The following STS variants were observed in gnomAD, a reference collection of about 807,000 sequenced individuals.
The protein encoded by STS is steroid sulfatase.
Under a neutral mutation model 26.8 loss-of-function variants are expected in STS, and 7 were observed. The observed-to-expected ratio is 0.26, with a 90% CI of 0.15 to 0.49. The LOEUF is 0.49. Among genes scored for constraint, STS ranks in the 20% least tolerant of loss-of-function variants. The pLI is 0.98. For synonymous variants in STS, 199 were observed against 189.4 expected, an observed-to-expected ratio of 1.05 and a Z score of -0.42; for missense variants, 434 against 465.6, an observed-to-expected ratio of 0.93 and a Z score of 0.63.
At chrX:7,168,033 G>A (rs1229153714) in intron 1 of STS, among the ~76,000 whole-genome samples, 1 of 110,916 alleles carries the variant, frequency 9.0e-6, no homozygotes, top group Non-Finnish European at 1.9e-5. Flanking sequence ...AGCTGATTAG[G>A]CACCTTAATG....
At chrX:7,168,939 C>T (rs897213805) in intron 1 of STS, among the ~76,000 whole-genome samples, 1 of 111,670 alleles carries the variant, frequency 9.0e-6, no homozygotes, top group African/African-American at 3.3e-5. Context: ...ATGGTATTAA[C>T]AAAATAGCTT....
chrX:7,300,631 G>A (rs1925919335), intron 7 of STS, among the ~76,000 whole-genome samples: 1 of 111,486 alleles, frequency 9.0e-6, no homozygotes, highest in Admixed American at 9.6e-5. Context: ...TGGGCTAAAA[G>A]GAAATTAGAA....
At position 7,354,167 on chromosome X, in the gene STS, G is replaced by A. The variant is rs1928914295; in HGVS notation, c.*3906G>A. 1 of 111,605 alleles carries A rather than the reference G, an allele frequency of 9.0e-6. No homozygotes were observed. Among genetic ancestry groups the A allele is most frequent in the Non-Finnish European group, 1.9e-5 (1 of 53,178 alleles). The allele number at this position is 111,605 out of a possible 1,213,427, so 9.2% of individuals were successfully genotyped here. A position where few individuals can be genotyped will look rare whatever the true frequency, so the allele number is the denominator to read the frequency against. On this transcript the variant is annotated 3_prime_UTR_variant, in exon 11 of 11. Transcript: ENST00000674429. ...CAGCCTCCACCATCCCCCAGGTGATGTCTGGTCAACTGGCCTGCCTTCAGC... is the reference window on the plus strand; with the variant it reads ...CAGCCTCCACCATCCCCCAGGTGATATCTGGTCAACTGGCCTGCCTTCAGC...
chrX:7,281,696 A>G (rs1924868802), intron 7 of STS, among the ~76,000 whole-genome samples: 1 of 112,036 alleles, frequency 8.9e-6, no homozygotes, highest in African/African-American at 3.2e-5. Flanking sequence ...AACTCTGGCA[A>G]TGGGGAACCA....
intron 2 of STS, among the ~76,000 whole-genome samples, chrX:7,217,319 A>T (rs1332939965): frequency 8.9e-6 from 1 of 111,751 alleles, no homozygotes; most frequent in Non-Finnish European, 1.9e-5. Flanking sequence ...GCAAGTGCAC[A>T]GATGGGCCTA....
At chrX:7,322,098 A>G (rs940530971) in intron 8 of STS, among the ~76,000 whole-genome samples, 6 of 112,788 alleles carry the variant, frequency 5.3e-5, no homozygotes, top group Non-Finnish European at 9.4e-5. Flanking sequence ...GGAGCCTTAC[A>G]AAATAGATCT....
chrX:7,280,674 C>G (rs1924814586), intron 7 of STS, among the ~76,000 whole-genome samples: 1 of 111,775 alleles, frequency 8.9e-6, no homozygotes, highest in African/African-American at 3.3e-5. Context: ...GGTTTCTTAT[C>G]TACAGCTTAC....
chrX:7,223,684 A>AT (rs1195060321), intron 2 of STS, among the ~76,000 whole-genome samples: 2 of 108,782 alleles, frequency 1.8e-5, no homozygotes, highest in Non-Finnish European at 3.8e-5. Flanking sequence ...ATAGTTTGCA[A>AT]TTTTTTTTCC....
intron 10 of STS, among the ~76,000 whole-genome samples, chrX:7,339,323 A>T (rs1171267617): frequency 8.9e-6 from 1 of 112,277 alleles, no homozygotes; most frequent in Non-Finnish European, 1.9e-5. Context: ...TTCCAAATTT[A>T]AGCTCACCAG....
At chrX:7,244,649 A>T (rs1257389085) in intron 2 of STS, among the ~76,000 whole-genome samples, 1 of 111,404 alleles carries the variant, frequency 9.0e-6, no homozygotes, top group African/African-American at 3.3e-5. Flanking sequence ...GTTATTTCAC[A>T]ACTAGGGGAG....
intron 1 of STS, among the ~76,000 whole-genome samples, chrX:7,149,040 G>T (rs1436991356): frequency 9.0e-6 from 1 of 110,763 alleles, no homozygotes; most frequent in Non-Finnish European, 1.9e-5. Flanking sequence ...CACGTTTAAG[G>T]AAAAGGATTG....
intron 1 of STS, among the ~76,000 whole-genome samples, chrX:7,177,479 AT>A (rs1368788755): frequency 4.8e-5 from 5 of 104,127 alleles, no homozygotes; most frequent in Admixed American, 1.1e-4. Context: ...ATATATATAT[AT>A]TTTTTTTTGG....
At chrX:7,333,864 G>C in intron 9 of STS, 122 bp from the exon 10 acceptor site, 2 of 994,027 alleles carry the variant, frequency 2.0e-6, no homozygotes, top group South Asian at 4.0e-5. Context: ...GGGCACCCAG[G>C]TGGGGTCAGT....
intron 2 of STS, among the ~76,000 whole-genome samples, chrX:7,243,971 A>G (rs1922743890): frequency 8.9e-6 from 1 of 111,819 alleles, no homozygotes; most frequent in Non-Finnish European, 1.9e-5. Flanking sequence ...CAGGAGGCTA[A>G]GGCAGGATAA....
chrX:7,325,754 G>C (rs753340983), intron 9 of STS, among the ~76,000 whole-genome samples: 63 of 112,438 alleles, frequency 5.6e-4, no homozygotes, highest in African/African-American at 1.9e-3. Context: ...GTTCAGCAAA[G>C]TATGGGCAGT....
chrX:7,238,415 A>G (rs1323589675), intron 2 of STS, among the ~76,000 whole-genome samples: 1 of 110,594 alleles, frequency 9.0e-6, no homozygotes, highest in Non-Finnish European at 1.9e-5. Context: ...GACATGTCCA[A>G]ATGTTGACAG....
chrX:7,286,786 A>G (rs912353804), intron 7 of STS, among the ~76,000 whole-genome samples: 1 of 111,881 alleles, frequency 8.9e-6, no homozygotes, highest in Non-Finnish European at 1.9e-5. Flanking sequence ...ACTTTAGGAT[A>G]TGTGCTGTTT....
rs192026069 is a variant in STS at position 7,295,163 on chromosome X, C to T, written c.944-9883C>T. On this transcript the variant is annotated intron_variant, in intron 7 of 10. Coordinates refer to ENST00000674429, the MANE Select transcript of STS (RefSeq NM_001320752.2). ...TAAAGCTGTGTTCTAAATAATACTC[C>T]ACTGAATACCAATGTGTATATTTGA... 2.6e-3 allele frequency among the ~76,000 whole-genome samples: 285 copies of T among 111,365 alleles called. 1 individual carries two copies. Among genetic ancestry groups the T allele is most frequent in the Non-Finnish European group, 3.8e-3 (204 of 53,061 alleles).
At chrX:7,189,697 G>A (rs1933837922) in intron 1 of STS, among the ~76,000 whole-genome samples, 2 of 112,357 alleles carry the variant, frequency 1.8e-5, no homozygotes, top group Admixed American at 9.5e-5. Context: ...GTTTGCTGTG[G>A]TGAACAAATG....
Sources: allele counts gnomAD v4.1 joint callset (sites outside exome capture counted in the v4.1 genomes callset), GRCh38; gene constraint gnomAD v4.1.1; transcripts MANE v1.5; gene names NCBI Gene and HGNC (gene_info 2026-07-23, HGNC 2026-07-21).